FHIT: variants seen among roughly 807,000 people sequenced by gnomAD.
FHIT encodes the protein fragile histidine triad diadenosine triphosphatase, also known as bis(5'-adenosyl)-triphosphatase.
FHIT carries 19 observed loss-of-function variants against 17.9 expected under a neutral mutation model. The observed-to-expected ratio is 1.06, with a 90% CI of 0.74 to 1.56. The LOEUF (loss-of-function observed/expected upper bound fraction) is 1.56, where lower values mean the gene tolerates loss of function less well. Among genes scored for constraint, FHIT ranks in the 40% most tolerant of loss-of-function variants. The pLI is 0.00. For synonymous variants in FHIT, 81 were observed against 69.7 expected, an observed-to-expected ratio of 1.16 and a Z score of -0.81; for missense variants, 248 against 189.2, an observed-to-expected ratio of 1.31 and a Z score of -1.82.
At chr3:59,808,638 C>A (rs368499623) in intron 8 of FHIT, among the ~76,000 whole-genome samples, 7 of 152,190 alleles carry the variant, frequency 4.6e-5, no homozygotes, top group African/African-American at 1.7e-4. Flanking sequence ...CCTGAACATA[C>A]AGCTTTCTGC....
intron 4 of FHIT, among the ~76,000 whole-genome samples, chr3:60,594,217 CTCTGTTGTAACTCAAA>C (rs2038185341): frequency 6.6e-6 from 1 of 152,070 alleles, no homozygotes; most frequent in South Asian, 2.1e-4. Flanking sequence ...TCGCACGGAG[CTCTGTTGTAACTCAAA>C]TCTGGCCAGG....
At chr3:59,943,482 A>T (rs1018581831) in intron 7 of FHIT, among the ~76,000 whole-genome samples, 4 of 152,158 alleles carry the variant, frequency 2.6e-5, no homozygotes, top group African/African-American at 9.7e-5. Context: ...ATGGAGTATG[A>T]CAAGAGAGGC....
At chr3:60,636,208 C>A (rs1014475764) in intron 4 of FHIT, among the ~76,000 whole-genome samples, 18 of 152,152 alleles carry the variant, frequency 1.2e-4, no homozygotes, top group Non-Finnish European at 2.5e-4. Flanking sequence ...GTAGCTGGAA[C>A]TACAGGCATG....
At chr3:59,972,758 C>A (rs1440790797) in intron 7 of FHIT, among the ~76,000 whole-genome samples, 1 of 152,146 alleles carries the variant, frequency 6.6e-6, no homozygotes, top group Non-Finnish European at 1.5e-5. Flanking sequence ...TTGTCTTATT[C>A]AGTACAGGTC....
At chr3:59,914,325 C>A (rs781395896) in intron 8 of FHIT, among the ~76,000 whole-genome samples, 16 of 152,008 alleles carry the variant, frequency 1.1e-4, no homozygotes, top group Non-Finnish European at 2.2e-4. Context: ...GACGTCACCC[C>A]GCAGTGACAA....
chr3:61,206,551 T>A (rs1481835173), intron 1 of FHIT, among the ~76,000 whole-genome samples: 1 of 152,218 alleles, frequency 6.6e-6, no homozygotes, highest in Admixed American at 6.5e-5. Flanking sequence ...GTAAGATGGA[T>A]TCCTAGGTAT....
intron 1 of FHIT, among the ~76,000 whole-genome samples, chr3:61,205,141 G>C (rs1357951151): frequency 6.6e-6 from 1 of 151,984 alleles, no homozygotes; most frequent in African/African-American, 2.4e-5. Context: ...TCCCTACAAA[G>C]GACATGAACT....
intron 2 of FHIT, among the ~76,000 whole-genome samples, chr3:61,077,756 G>A (rs2035015385): frequency 6.6e-6 from 1 of 152,084 alleles, no homozygotes; most frequent in Non-Finnish European, 1.5e-5. Context: ...CTCATAGTGT[G>A]TTTTTCTTAT....
chr3:60,656,246 C>T (rs1425532842), intron 4 of FHIT, among the ~76,000 whole-genome samples: 2 of 152,104 alleles, frequency 1.3e-5, no homozygotes, highest in Non-Finnish European at 2.9e-5. Flanking sequence ...TCTCTTCACC[C>T]CAAATTCCTA....
rs1360032209 is a variant in FHIT, at chr3:60,466,823, G to T, written c.103+70037C>A. On this transcript the variant is annotated intron_variant, in intron 5 of 9. Coordinates refer to ENST00000492590, the MANE Select transcript of FHIT (RefSeq NM_002012.4). ...TATTCATCAGGGTTACTTGCCTGCA[G>T]TTTTTTTTTTTTTTTTTTAATGTGC... Among the ~76,000 whole-genome samples the T allele has an allele frequency of 9.6e-5, 13 of 135,450 alleles. No homozygotes were observed. The East Asian group carries it at 1.1e-3, about 12-fold the overall frequency. The allele number at this position is 135,450 out of a possible 152,430, so 88.9% of individuals were successfully genotyped here.
At chr3:59,914,883 T>A (rs1559726251) in intron 8 of FHIT, among the ~76,000 whole-genome samples, 1 of 152,222 alleles carries the variant, frequency 6.6e-6, no homozygotes, top group Non-Finnish European at 1.5e-5. Flanking sequence ...GAAAAACTAC[T>A]GAGGTCTTGG....
chr3:60,950,285 G>A (rs1164202625), intron 3 of FHIT, among the ~76,000 whole-genome samples: 3 of 152,088 alleles, frequency 2.0e-5, no homozygotes, highest in Non-Finnish European at 2.9e-5. Context: ...ATTAAGGGGG[G>A]AAACACATTG....
rs114768569 is a variant in FHIT, at chr3:60,559,014, G to T, written c.-17-22035C>A. Among the ~76,000 whole-genome samples the T allele has an allele frequency of 4.7e-3, 720 of 152,184 alleles. 3 individuals carry two copies. The highest frequency in any genetic ancestry group is 0.017 in the African/African-American group (698 of 41,504). ...TAGCATTGAAATAACATATTCTACG[G>T]TAATCCTCTGACTGATCACCTTGTT... On this transcript the variant is annotated intron_variant, in intron 4 of 9. Transcript: ENST00000492590.
intron 3 of FHIT, among the ~76,000 whole-genome samples, chr3:60,997,450 T>C (rs1404397112): frequency 1.3e-5 from 2 of 152,202 alleles, no homozygotes; most frequent in Admixed American, 6.5e-5. Context: ...CTTAGCATAC[T>C]GGACCAGAAA....
At chr3:60,359,482 T>C (rs1699813164) in intron 5 of FHIT, among the ~76,000 whole-genome samples, 1 of 152,078 alleles carries the variant, frequency 6.6e-6, no homozygotes, top group African/African-American at 2.4e-5. Flanking sequence ...GGTTTCACCA[T>C]GTTGGCCAGG....
At chr3:60,970,062 G>T (rs767064477) in intron 3 of FHIT, among the ~76,000 whole-genome samples, 3 of 152,070 alleles carry the variant, frequency 2.0e-5, no homozygotes. Flanking sequence ...ACACTGAAGC[G>T]ATCTGCCTGC....
At chr3:60,720,420 T>C (rs923202090) in intron 4 of FHIT, among the ~76,000 whole-genome samples, 26 of 152,194 alleles carry the variant, frequency 1.7e-4, no homozygotes, top group African/African-American at 6.0e-4. Flanking sequence ...ATATGGTTAT[T>C]GTGACAATCA....
intron 3 of FHIT, among the ~76,000 whole-genome samples, chr3:61,023,312 A>G (rs914222272): frequency 6.6e-6 from 1 of 152,198 alleles, no homozygotes; most frequent in East Asian, 1.9e-4. Context: ...CTTCAAGGAG[A>G]ACTACAAACC....
At chr3:59,783,343 C>A (rs916282290) in intron 8 of FHIT, among the ~76,000 whole-genome samples, 4 of 152,080 alleles carry the variant, frequency 2.6e-5, no homozygotes, top group Non-Finnish European at 5.9e-5. Context: ...GTGGCGCATG[C>A]CTGTAGTCTC....
Sources: gnomAD v4.1 joint callset for allele counts (sites outside exome capture counted in the v4.1 genomes callset) on GRCh38, gnomAD v4.1.1 for gene constraint, MANE v1.5 for transcripts, NCBI Gene and HGNC (gene_info 2026-07-23, HGNC 2026-07-21) for gene names.